The following ANAPC5 variants were observed in gnomAD, a reference collection of about 807,000 sequenced individuals.
The protein encoded by ANAPC5 is anaphase promoting complex subunit 5.
In ANAPC5, 60 loss-of-function variants were observed where a neutral mutation model predicts 91.3. The observed-to-expected ratio is 0.66, with a 90% CI of 0.53 to 0.81. ANAPC5 has a LOEUF of 0.81. ANAPC5 is among the 40% of genes least tolerant of loss of function. The probability of loss-of-function intolerance (pLI) is 0.00; values close to 1 mark genes in which losing one functional copy is unlikely to be tolerated. For synonymous variants in ANAPC5, 340 were observed against 364.1 expected, an observed-to-expected ratio of 0.93 and a Z score of 0.75; for missense variants, 690 against 931.5, an observed-to-expected ratio of 0.74 and a Z score of 3.37.
intron 5 of ANAPC5, among the ~76,000 whole-genome samples, chr12:121,339,868 GTT>G (rs71079054): frequency 1.9e-5 from 2 of 104,542 alleles, no homozygotes; most frequent in Admixed American, 1.0e-4. Context: ...TTTTCTTCCA[GTT>G]TTTTTTTTTT....
chr12:121,338,591 AAAAAC>A (rs1305486842), intron 5 of ANAPC5, among the ~76,000 whole-genome samples: 3 of 152,198 alleles, frequency 2.0e-5, no homozygotes, highest in Non-Finnish European at 2.9e-5. Context: ...TCAGTCTCAA[AAAAAC>A]AAAACAAAAC....
chr12:121,314,022 G>A (rs1175445985), intron 15 of ANAPC5, among the ~76,000 whole-genome samples: 3 of 152,202 alleles, frequency 2.0e-5, no homozygotes, highest in African/African-American at 7.2e-5. Context: ...CCAATAGCAC[G>A]TTAAAAGGAA....
At chr12:121,319,120 C>T (rs1902498155) in intron 13 of ANAPC5, among the ~76,000 whole-genome samples, 1 of 151,122 alleles carries the variant, frequency 6.6e-6, no homozygotes, top group Admixed American at 6.6e-5. Context: ...CACAAACACA[C>T]ACACACACAC....
At chr12:121,350,608 G>A (rs1903845999) in intron 1 of ANAPC5, among the ~76,000 whole-genome samples, 1 of 151,600 alleles carries the variant, frequency 6.6e-6, no homozygotes, top group Non-Finnish European at 1.5e-5. Flanking sequence ...GTGAACCCGG[G>A]AGGCGGAGCC....
At chr12:121,338,722 G>A (rs774658916) in intron 5 of ANAPC5, among the ~76,000 whole-genome samples, 7 of 151,630 alleles carry the variant, frequency 4.6e-5, no homozygotes, top group Non-Finnish European at 7.4e-5. Context: ...CAGAAATAAC[G>A]CTATTAATAC....
intron 11 of ANAPC5, among the ~76,000 whole-genome samples, chr12:121,322,886 G>C (rs893368777): frequency 6.6e-6 from 1 of 152,044 alleles, no homozygotes; most frequent in African/African-American, 2.4e-5. Context: ...TAAGCCGGGC[G>C]CAGTGGCAGG....
intron 15 of ANAPC5, 38 bp downstream of exon 15, chr12:121,318,239 A>C: frequency 6.7e-7 from 1 of 1,484,082 alleles, no homozygotes; most frequent in Non-Finnish European, 9.0e-7. Context: ...CCAGCTCTTG[A>C]GCACAAATAT....
intron 9 of ANAPC5, 113 bp from the exon 10 acceptor site, chr12:121,328,610 T>C: frequency 1.0e-6 from 1 of 973,624 alleles, no homozygotes; most frequent in Non-Finnish European, 1.5e-6. Flanking sequence ...GTGACAGCAC[T>C]ATTTAAAAGG....
chr12:121,340,941 A>G (rs1017052399), intron 5 of ANAPC5, among the ~76,000 whole-genome samples: 2 of 152,182 alleles, frequency 1.3e-5, no homozygotes, highest in Non-Finnish European at 2.9e-5. Context: ...AGAAAAATAG[A>G]GCAAAAACTA....
upstream of ANAPC5, among the ~76,000 whole-genome samples, chr12:121,353,589 G>A (rs1198282724): frequency 6.6e-6 from 1 of 151,058 alleles, no homozygotes; most frequent in Non-Finnish European, 1.5e-5. Context: ...TACAGGCATC[G>A]GCCACCACGC....
At chr12:121,315,959 TAA>T (rs1902342346) in intron 15 of ANAPC5, among the ~76,000 whole-genome samples, 1 of 152,184 alleles carries the variant, frequency 6.6e-6, no homozygotes, top group Non-Finnish European at 1.5e-5. Flanking sequence ...ATAAAAATTT[TAA>T]ACTTTTGTAT....
intron 1 of ANAPC5, chr12:121,350,937 T>C (rs1393396359): frequency 3.0e-6 from 1 of 336,304 alleles, no homozygotes; most frequent in African/African-American, 2.2e-5. Flanking sequence ...CACACTAAAA[T>C]GAAAATTCTA....
At chr12:121,339,806 T>G (rs1353484868) in intron 5 of ANAPC5, among the ~76,000 whole-genome samples, 2 of 152,074 alleles carry the variant, frequency 1.3e-5, no homozygotes, top group African/African-American at 4.8e-5. Context: ...AGTCCTGACA[T>G]GGAGATGCTT....
intron 5 of ANAPC5, 70 bp from the exon 6 acceptor site, chr12:121,337,462 G>T: frequency 1.7e-6 from 2 of 1,151,932 alleles, no homozygotes; most frequent in Non-Finnish European, 1.3e-6. Flanking sequence ...ATACTAACTA[G>T]CATCACCTGA....
chr12:121,319,433 C>T (rs975354696), intron 13 of ANAPC5, among the ~76,000 whole-genome samples: 1 of 151,836 alleles, frequency 6.6e-6, no homozygotes, highest in Admixed American at 6.6e-5. Flanking sequence ...AGGGTTTCAC[C>T]ATGTTGGCCA....
At position 121,342,163 on chromosome 12, in the gene ANAPC5, G is replaced by T; in HGVS notation, c.591-94C>A. On this transcript the variant is annotated intron_variant, in intron 4 of 16. Transcript: ENST00000261819. The surrounding 1 kb of genome is among the most constrained non-coding windows in gnomAD (Gnocchi z 4.1). ...TCAGATGGATTCTTGTATCGAAAGA[G>T]TTCAAAAAATTTAACTCTCTCCTCA... 1 of 960,860 alleles carries T rather than the reference G, an allele frequency of 1.0e-6. No homozygotes were observed. The highest frequency in any genetic ancestry group is 2.7e-5 in the Admixed American group (1 of 37,458). 59.5% of individuals were successfully genotyped at this position (960,860 alleles called of 1,614,324 possible). A position where few individuals can be genotyped will look rare whatever the true frequency, so the allele number is the denominator to read the frequency against.
At position 121,350,405 on chromosome 12, in the gene ANAPC5, G is replaced by C. The variant is rs528726253; in HGVS notation, c.207+1729C>G. On this transcript the variant is annotated intron_variant, in intron 1 of 16. Transcript: ENST00000261819. ...CTTTCTGTAAGAAATCCTCGGGCCG[G>C]GCGCGGTGGCTCATGCCTGTAATCC... is the stretch of plus-strand genomic sequence containing the variant. Among the ~76,000 whole-genome samples, 430 of 152,324 alleles carry C rather than the reference G, an allele frequency of 2.8e-3. 3 individuals are homozygous for C. Among genetic ancestry groups the C allele is most frequent in the African/African-American group, 9.8e-3 (407 of 41,578 alleles).
chr12:121,332,472 C>A (rs1220803177), intron 7 of ANAPC5: 1 of 152,194 alleles, frequency 6.6e-6, no homozygotes, highest in African/African-American at 2.4e-5. Context: ...GAGCACTTCA[C>A]CTTCACTTTC....
chr12:121,351,729 T>C (rs1555275396), intron 1 of ANAPC5, among the ~76,000 whole-genome samples: 1 of 152,124 alleles, frequency 6.6e-6, no homozygotes, highest in East Asian at 1.9e-4. Flanking sequence ...AGTGCGGAGA[T>C]TATAGGCGTG....
Sources: gnomAD v4.1 joint callset for allele counts (sites outside exome capture counted in the v4.1 genomes callset) on GRCh38, gnomAD v4.1.1 for gene constraint, Gnocchi (gnomAD v3.1) non-coding constraint, MANE v1.5 for transcripts, NCBI Gene and HGNC (gene_info 2026-07-23, HGNC 2026-07-21) for gene names.